The following LRRC8B variants were observed in gnomAD, a reference collection of about 807,000 sequenced individuals.
LRRC8B encodes volume-regulated anion channel subunit LRRC8B.
A neutral mutation model predicts 58.8 loss-of-function variants in LRRC8B; 23 were observed. The ratio of observed to expected loss-of-function variants is 0.39; its 90% CI spans 0.28 to 0.55. The LOEUF (loss-of-function observed/expected upper bound fraction) is 0.55. Among genes scored for constraint, LRRC8B ranks in the 20% least tolerant of loss-of-function variants. The pLI, the probability that LRRC8B is intolerant of heterozygous loss-of-function variation, is 0.62. For missense variants in LRRC8B, 694 were observed against 936.0 expected, an observed-to-expected ratio of 0.74 and a Z score of 3.37; for synonymous variants, 359 against 374.1, an observed-to-expected ratio of 0.96 and a Z score of 0.47.
chr1:89,569,562 A>G (rs1397010394), intron 3 of LRRC8B, among the ~76,000 whole-genome samples: 1 of 152,034 alleles, frequency 6.6e-6, no homozygotes, highest in Admixed American at 6.6e-5. Context: ...GAAAAAATGT[A>G]TTTAGTTTTC....
intron 1 of LRRC8B, among the ~76,000 whole-genome samples, chr1:89,535,645 A>C (rs1305384626): frequency 6.6e-6 from 1 of 152,222 alleles, no homozygotes; most frequent in Non-Finnish European, 1.5e-5. Flanking sequence ...ACTCACCTAG[A>C]ATAGTAAGAA....
At chr1:89,526,569 T>C (rs1649714890) in intron 1 of LRRC8B, among the ~76,000 whole-genome samples, 1 of 152,180 alleles carries the variant, frequency 6.6e-6, no homozygotes, top group Non-Finnish European at 1.5e-5. Flanking sequence ...TGTCAGCAGC[T>C]CTACTCAGAG....
chr1:89,532,885 A>G lies in LRRC8B; in HGVS notation c.-241+7863A>G, dbSNP rs550135235. ...ACCTTTAGATTCTGTATTTTTGCCA[A>G]CAGCAATACTATTTACCCAGTTATG... is the stretch of plus-strand genomic sequence containing the variant. On this transcript the variant is annotated intron_variant, in intron 1 of 5. Coordinates refer to ENST00000330947, the MANE Select transcript of LRRC8B (RefSeq NM_001369817.2). Among the ~76,000 whole-genome samples the G allele has an allele frequency of 3.3e-5, 5 of 152,332 alleles. No homozygotes were observed. The East Asian group carries it at 9.6e-4, about 29-fold the overall frequency.
Position 89,546,110 on chromosome 1 carries a change from A to G in LRRC8B, c.-241+21088A>G, listed in dbSNP as rs550789949. On this transcript the variant is annotated intron_variant, in intron 1 of 5. Coordinates refer to ENST00000330947, the MANE Select transcript of LRRC8B (RefSeq NM_001369817.2). ...TGGTATATTATGTGTTTTTTGAACA[A>G]TAGGTTAGGCTAGCCTATCAGAATA... is the stretch of plus-strand genomic sequence containing the variant. Among the ~76,000 whole-genome samples the G allele has an allele frequency of 3.9e-5, 6 of 152,292 alleles. No homozygotes were observed. In the East Asian group the frequency reaches 9.6e-4, roughly 24 times the overall value.
intron 1 of LRRC8B, among the ~76,000 whole-genome samples, chr1:89,549,184 C>T (rs924552012): frequency 2.6e-5 from 4 of 152,090 alleles, no homozygotes; most frequent in African/African-American, 7.2e-5. Flanking sequence ...TAAACGGAGA[C>T]AGATAATGTA....
At chr1:89,582,177 A>G (rs1654272744) in intron 4 of LRRC8B, among the ~76,000 whole-genome samples, 2 of 151,824 alleles carry the variant, frequency 1.3e-5, no homozygotes, top group Admixed American at 1.3e-4. Flanking sequence ...GGATCACTTG[A>G]GGCCAAGAGT....
intron 1 of LRRC8B, among the ~76,000 whole-genome samples, chr1:89,566,575 A>C (rs1653059350): frequency 1.3e-5 from 2 of 152,228 alleles, no homozygotes; most frequent in Admixed American, 6.5e-5. Flanking sequence ...GAGATTCTTG[A>C]TATCTTGCTA....
At chr1:89,571,955 A>T (rs1315113635) in intron 3 of LRRC8B, among the ~76,000 whole-genome samples, 2 of 152,160 alleles carry the variant, frequency 1.3e-5, no homozygotes, top group African/African-American at 2.4e-5. Flanking sequence ...GGTCCTGAAT[A>T]TCTTTGTCAA....
At chr1:89,591,877 A>C (rs1209373587) in intron 5 of LRRC8B, among the ~76,000 whole-genome samples, 1 of 152,070 alleles carries the variant, frequency 6.6e-6, no homozygotes, top group Non-Finnish European at 1.5e-5. Context: ...CAATATGTAG[A>C]GTATTATGGG....
At chr1:89,555,062 C>T (rs778676919) in intron 1 of LRRC8B, among the ~76,000 whole-genome samples, 2 of 152,110 alleles carry the variant, frequency 1.3e-5, no homozygotes, top group African/African-American at 4.8e-5. Flanking sequence ...TCCAGAGGGC[C>T]CATGTTTCTC....
intron 5 of LRRC8B, among the ~76,000 whole-genome samples, chr1:89,587,466 A>C (rs978481706): frequency 6.6e-6 from 1 of 152,264 alleles, no homozygotes; most frequent in East Asian, 1.9e-4. Flanking sequence ...CCCGGGAGAC[A>C]GAGGTGCAGT....
chr1:89,535,897 T>G (rs1650491779), intron 1 of LRRC8B, among the ~76,000 whole-genome samples: 1 of 152,160 alleles, frequency 6.6e-6, no homozygotes, highest in Non-Finnish European at 1.5e-5. Flanking sequence ...TTGGGATTTT[T>G]TTTTTCTTTA....
chr1:89,560,907 T>C (rs1426039228), intron 1 of LRRC8B, among the ~76,000 whole-genome samples: 1 of 152,150 alleles, frequency 6.6e-6, no homozygotes, highest in Non-Finnish European at 1.5e-5. Flanking sequence ...TACCCAGTAA[T>C]GGGATGGCTG....
At chr1:89,572,955 A>G (rs1223660140) in intron 3 of LRRC8B, among the ~76,000 whole-genome samples, 1 of 152,242 alleles carries the variant, frequency 6.6e-6, no homozygotes, top group Non-Finnish European at 1.5e-5. Context: ...GATGTATTCT[A>G]TAACTGCCAG....
chr1:89,564,069 C>T (rs1570608020), intron 1 of LRRC8B, among the ~76,000 whole-genome samples: 1 of 152,122 alleles, frequency 6.6e-6, no homozygotes, highest in African/African-American at 2.4e-5. Context: ...ACATTGTAAT[C>T]GGTATGTCTG....
chr1:89,576,650 T>G (rs552679168), intron 3 of LRRC8B, among the ~76,000 whole-genome samples: 52 of 152,318 alleles, frequency 3.4e-4, no homozygotes, highest in African/African-American at 1.2e-3. Context: ...ACTAATCACT[T>G]CATGTTTTAA....
chr1:89,550,506 T>G (rs1014201352), intron 1 of LRRC8B, among the ~76,000 whole-genome samples: 3 of 152,054 alleles, frequency 2.0e-5, no homozygotes, highest in Admixed American at 2.0e-4. Context: ...TCCCGCTAGG[T>G]TCACTTGCGA....
chr1:89,561,901 TTTTA>T (rs1652686321), intron 1 of LRRC8B, among the ~76,000 whole-genome samples: 4 of 152,196 alleles, frequency 2.6e-5, no homozygotes, highest in Non-Finnish European at 4.4e-5. Flanking sequence ...GAACTTTATC[TTTTA>T]ATATGTTTGT....
chr1:89,529,094 G>A (rs2100773015), intron 1 of LRRC8B, among the ~76,000 whole-genome samples: 1 of 152,208 alleles, frequency 6.6e-6, no homozygotes, highest in South Asian at 2.1e-4. Context: ...CTTTTTTCTT[G>A]ACTAGTATTG....
Sources: gnomAD v4.1 joint callset for allele counts (sites outside exome capture counted in the v4.1 genomes callset) on GRCh38, gnomAD v4.1.1 for gene constraint, MANE v1.5 for transcripts, NCBI Gene and HGNC (gene_info 2026-07-23, HGNC 2026-07-21) for gene names.